Variants in DPYSL5 observed in about 807,000 individuals in gnomAD.
DPYSL5 encodes dihydropyrimidinase like 5, also known as dihydropyrimidinase-related protein 5.
In DPYSL5, 9 loss-of-function variants were observed where a neutral mutation model predicts 58.4. That is an observed-to-expected ratio of 0.15 (90% CI 0.09 to 0.27). The LOEUF is 0.27. Ranked by LOEUF, DPYSL5 falls within the 10% of genes least tolerant of loss-of-function variation. The probability of loss-of-function intolerance (pLI) is 1.00; values close to 1 mark genes in which losing one functional copy is unlikely to be tolerated. For synonymous variants in DPYSL5, 293 were observed against 301.9 expected (o/e 0.97, Z 0.31); for missense variants, 499 against 770.6 (o/e 0.65, Z 4.17).
At chr2:26,930,962 A>G (rs1374214038) in intron 5 of DPYSL5, among the ~76,000 whole-genome samples, 4 of 149,616 alleles carry the variant, frequency 2.7e-5, no homozygotes, top group African/African-American at 9.8e-5. Flanking sequence ...CGACAGAGCA[A>G]GACTCCGTCT....
intron 1 of DPYSL5, among the ~76,000 whole-genome samples, chr2:26,888,255 T>TTCTTTCTTTCTTTCTTTCTTTTG (rs1553316479): frequency 1.8e-5 from 2 of 108,188 alleles, no homozygotes; most frequent in African/African-American, 9.2e-5. Context: ...CTTTCTTTCT[T>TTCTTTCTTTCTTTCTTTCTTTTG]TCTTTCTTTC....
chr2:26,893,029 C>T (rs1663928169), intron 1 of DPYSL5, among the ~76,000 whole-genome samples: 1 of 152,178 alleles, frequency 6.6e-6, no homozygotes, highest in African/African-American at 2.4e-5. Context: ...GCCTCTCTGC[C>T]CTGTCGCCTT....
rs769538594 is a variant in DPYSL5 at position 26,933,284 on chromosome 2, C to T, written c.741C>T (p.Asn247=). The change falls in exon 7 of 13, where the codon AAC becomes AAT. Residue 247 remains asparagine, a synonymous_variant. Coordinates refer to ENST00000288699, the MANE Select transcript of DPYSL5 (RefSeq NM_020134.4). This position sits in a 1 kb window ranked among gnomAD's most constrained non-coding sequence, Gnocchi z 4.2. ...CTCACTGTCCAATCTACCTGGTCAACGTGTCCAGTATCTCGGCTGGTGACG... is the reference window on the plus strand; with the variant it reads ...CTCACTGTCCAATCTACCTGGTCAATGTGTCCAGTATCTCGGCTGGTGACG... The part of the protein sequence containing the change: ...NRTHCPIYLV[N]VSSISAGDVI... The T allele has an allele frequency of 1.4e-5, 22 of 1,614,132 alleles. No individual in the cohort carries two copies. The highest frequency in any genetic ancestry group is 1.2e-4 in the South Asian group (11 of 91,084).
chr2:26,917,539 G>T (rs1031024885), intron 2 of DPYSL5, among the ~76,000 whole-genome samples: 10 of 152,094 alleles, frequency 6.6e-5, no homozygotes, highest in African/African-American at 2.2e-4. Context: ...GTTGGGTGTG[G>T]GGTTGGGGGG....
Position 26,942,486 on chromosome 2 carries a change from CTG to C in DPYSL5, c.1233-54_1233-53del. On this transcript the variant is annotated intron_variant, in intron 10 of 12. Coordinates refer to ENST00000288699, the MANE Select transcript of DPYSL5 (RefSeq NM_020134.4). The surrounding 1 kb of genome is among the most constrained non-coding windows in gnomAD (Gnocchi z 5.9). ...TTTGGGGCTCACCCCTCCCATGGAG[CTG>C]TGACATTTTGACCTGTCCTCAGCGC... is the stretch of plus-strand genomic sequence containing the variant. 1 of 1,537,232 alleles carries C rather than the reference CTG, an allele frequency of 6.5e-7. No homozygotes were observed. The highest frequency in any genetic ancestry group is 8.9e-7 in the Non-Finnish European group (1 of 1,127,562).
At position 26,942,144 on chromosome 2, in the gene DPYSL5, A is replaced by T; in HGVS notation, c.1232+52A>T. 1.9e-6 allele frequency: 3 copies of T among 1,607,252 alleles called. No individual in the cohort carries two copies. In the South Asian group the frequency reaches 3.3e-5, roughly 18 times the overall value. On this transcript the variant is annotated intron_variant, in intron 10 of 12. Coordinates refer to ENST00000288699, the MANE Select transcript of DPYSL5 (RefSeq NM_020134.4). This position sits in a 1 kb window ranked among gnomAD's most constrained non-coding sequence, Gnocchi z 5.9. ...CTAGAGGGGCTTGGGATTTTGAAGA[A>T]GACTTGCATTACAGATCTCCAAAAG... is the stretch of plus-strand genomic sequence containing the variant.
chr2:26,865,344 G>A (rs1001578744), intron 1 of DPYSL5, among the ~76,000 whole-genome samples: 5 of 118,276 alleles, frequency 4.2e-5, no homozygotes, highest in African/African-American at 6.4e-5. Flanking sequence ...TTTTTAAGAC[G>A]AAGTCTTGCT....
intron 2 of DPYSL5, among the ~76,000 whole-genome samples, chr2:26,919,747 G>A (rs1342330479): frequency 6.6e-6 from 1 of 152,176 alleles, no homozygotes; most frequent in Non-Finnish European, 1.5e-5. Context: ...AGTTGGAGAT[G>A]AGGATGTTCT....
rs551690790 is a variant in DPYSL5 at position 26,856,189 on chromosome 2, A to T, written c.-5+7935A>T. 1.4e-3 allele frequency among the ~76,000 whole-genome samples: 211 copies of T among 152,316 alleles called. 1 individual carries two copies. The highest frequency in any genetic ancestry group is 4.9e-3 in the African/African-American group (204 of 41,570). On this transcript the variant is annotated intron_variant, in intron 1 of 12. Coordinates refer to ENST00000288699, the MANE Select transcript of DPYSL5 (RefSeq NM_020134.4). Reference sequence around the variant, plus strand: ...TCTGCACCAAATTAAGAAACAGAAAATTGGAGTCTCTGAGCCTACTATGGC... The same window carrying T: ...TCTGCACCAAATTAAGAAACAGAAATTTGGAGTCTCTGAGCCTACTATGGC...
chr2:26,937,149 A>G (rs1393429851), intron 8 of DPYSL5, among the ~76,000 whole-genome samples: 3 of 152,058 alleles, frequency 2.0e-5, no homozygotes, highest in Admixed American at 6.5e-5. Flanking sequence ...ACCCACCCAA[A>G]TTACAGCGCC....
At position 26,890,504 on chromosome 2, in the gene DPYSL5, A is replaced by G. The variant is rs1572690779; in HGVS notation, c.-4-7992A>G. On this transcript the variant is annotated intron_variant, in intron 1 of 12. Coordinates refer to ENST00000288699, the MANE Select transcript of DPYSL5 (RefSeq NM_020134.4). Reference sequence around the variant, plus strand: ...GGGAACCCTGAGGCTGAAGCCCTGCAGGCTGCTCCGACAGCAGCCCACGTG... The same window carrying G: ...GGGAACCCTGAGGCTGAAGCCCTGCGGGCTGCTCCGACAGCAGCCCACGTG... Among the ~76,000 whole-genome samples, 3 of 152,358 alleles carry G rather than the reference A, an allele frequency of 2.0e-5. No homozygotes were observed. The East Asian group carries it at 5.8e-4, about 29-fold the overall frequency.
At chr2:26,871,296 A>G in intron 1 of DPYSL5, among the ~76,000 whole-genome samples, 1 of 152,184 alleles carries the variant, frequency 6.6e-6, no homozygotes, top group Admixed American at 6.5e-5. Context: ...CATTTTTATA[A>G]TGGAACACCA....
chr2:26,904,295 C>T (rs1045126479), intron 2 of DPYSL5, among the ~76,000 whole-genome samples: 3 of 152,172 alleles, frequency 2.0e-5, no homozygotes, highest in African/African-American at 7.2e-5. Context: ...CCTGTTTGTC[C>T]GCTTGGCAGG....
intron 1 of DPYSL5, among the ~76,000 whole-genome samples, chr2:26,884,071 G>T (rs1160227201): frequency 6.6e-6 from 1 of 152,172 alleles, no homozygotes; most frequent in East Asian, 1.9e-4. Context: ...TCCTTCCAGG[G>T]GAGATGATGG....
At chr2:26,890,340 C>T (rs915064286) in intron 1 of DPYSL5, among the ~76,000 whole-genome samples, 6 of 152,198 alleles carry the variant, frequency 3.9e-5, no homozygotes, top group African/African-American at 1.4e-4. Context: ...TTAGTGCACA[C>T]AAATGTCCTA....
chr2:26,920,882 A>G (rs867400800), intron 2 of DPYSL5, among the ~76,000 whole-genome samples: 31 of 152,226 alleles, frequency 2.0e-4, no homozygotes, highest in African/African-American at 6.5e-4. Flanking sequence ...TTTTTCACTC[A>G]TTACAGTATA....
intron 2 of DPYSL5, among the ~76,000 whole-genome samples, chr2:26,907,136 A>T (rs1282412370): frequency 6.6e-6 from 1 of 150,880 alleles, no homozygotes; most frequent in East Asian, 2.0e-4. Context: ...TTTTTTTGAG[A>T]TGGAGTCTTG....
At chr2:26,854,805 T>G (rs577728965) in intron 1 of DPYSL5, among the ~76,000 whole-genome samples, 84 of 151,976 alleles carry the variant, frequency 5.5e-4, no homozygotes, top group African/African-American at 1.9e-3. Context: ...TTTTTTTTCT[T>G]TTTCTTTTTC....
chr2:26,944,544 G>T lies in DPYSL5; in HGVS notation c.1441-112G>T. ...GGTCACTTGCAGTGATTTGGGTCTT[G>T]GGCAGAGTGGCAGTGTCTAATGTCC... On this transcript the variant is annotated intron_variant, in intron 11 of 12. Coordinates refer to ENST00000288699, the MANE Select transcript of DPYSL5 (RefSeq NM_020134.4). The surrounding 1 kb of genome is among the most constrained non-coding windows in gnomAD (Gnocchi z 4.4). 4.0e-6 allele frequency: 5 copies of T among 1,252,178 alleles called. No individual in the cohort carries two copies. The highest frequency in any genetic ancestry group is 2.4e-5 in the East Asian group (1 of 42,482). 77.6% of individuals were successfully genotyped at this position (1,252,178 alleles called of 1,614,324 possible). A position where few individuals can be genotyped will look rare whatever the true frequency, so the allele number is the denominator to read the frequency against.
Sources: allele counts gnomAD v4.1 joint callset (sites outside exome capture counted in the v4.1 genomes callset), GRCh38; gene constraint gnomAD v4.1.1; non-coding constraint Gnocchi (gnomAD v3.1); transcripts MANE v1.5; gene names NCBI Gene and HGNC (gene_info 2026-07-23, HGNC 2026-07-21).